ZNF114: variants seen among roughly 807,000 people sequenced by gnomAD.
ZNF114 encodes zinc finger protein 114 (Y18).
Under a neutral mutation model 6.8 loss-of-function variants are expected in ZNF114, and 8 were observed. The observed-to-expected ratio is 1.18, with a 90% CI of 0.69 to 2.13. The LOEUF (loss-of-function observed/expected upper bound fraction) is 2.13. ZNF114 is among the 30% of genes most tolerant of loss of function. The probability of loss-of-function intolerance (pLI) is 0.00; values close to 1 mark genes in which losing one functional copy is unlikely to be tolerated. For synonymous variants in ZNF114, 169 were observed against 185.5 expected (o/e 0.91, Z 0.72); for missense variants, 472 against 519.5 (o/e 0.91, Z 0.89).
chr19:48,283,235 T>G (rs1342723720), intron 5 of ZNF114, among the ~76,000 whole-genome samples: 4 of 152,204 alleles, frequency 2.6e-5, no homozygotes, highest in Non-Finnish European at 4.4e-5. Flanking sequence ...GGGATCCTTA[T>G]GTAGGTGAAC....
chr19:48,277,662 A>G (rs1967870967), intron 3 of ZNF114, among the ~76,000 whole-genome samples: 1 of 152,204 alleles, frequency 6.6e-6, no homozygotes, highest in African/African-American at 2.4e-5. Flanking sequence ...CTCCCCTGCC[A>G]TCTGGCACCG....
rs943906475 is a variant in ZNF114, at chr19:48,273,882, C to T, written c.-70+2054C>T. Among the ~76,000 whole-genome samples, 7 of 151,570 alleles carry T rather than the reference C, an allele frequency of 4.6e-5. No individual in the cohort carries two copies. The South Asian group carries it at 1.5e-3, about 32-fold the overall frequency. ...TCGCCATTCTCCTGCCTCAGGCTCC[C>T]GAGTAGCTGGGACTACAGGCGCCCG... On this transcript the variant is annotated intron_variant, in intron 3 of 5. Coordinates refer to ENST00000595607, the MANE Select transcript of ZNF114 (RefSeq NM_153608.4).
At chr19:48,285,695 T>G in intron 5 of ZNF114, 66 bp from the exon 6 acceptor site, 1 of 1,509,522 alleles carries the variant, frequency 6.6e-7, no homozygotes, top group South Asian at 1.4e-5. Flanking sequence ...AGATTGCCTA[T>G]GTCATCATCT....
At chr19:48,277,794 G>GGGGTGTGTGTGTGTGTGT (rs1330052475) in intron 3 of ZNF114, among the ~76,000 whole-genome samples, 2,960 of 119,380 alleles carry the variant, frequency 0.025, 93 homozygotes, top group Middle Eastern at 0.032. Flanking sequence ...GGAGGCATTG[G>GGGGTGTGTGTGTGTGTGT]GTGTGTGTGT....
At chr19:48,274,908 G>C (rs564172133) in intron 3 of ZNF114, among the ~76,000 whole-genome samples, 1 of 152,056 alleles carries the variant, frequency 6.6e-6, no homozygotes, top group African/African-American at 2.4e-5. Flanking sequence ...ACATTTACTA[G>C]TTGGAGTCCC....
intron 3 of ZNF114, among the ~76,000 whole-genome samples, chr19:48,277,115 C>T (rs1303970150): frequency 1.3e-5 from 2 of 152,010 alleles, no homozygotes; most frequent in Middle Eastern, 3.2e-3. Flanking sequence ...GAGCTGAGAT[C>T]GTGCCACTGC....
At chr19:48,272,700 T>TAAAAAAAAAAAAAAA (rs1555875993) in intron 3 of ZNF114, among the ~76,000 whole-genome samples, 5 of 79,370 alleles carry the variant, frequency 6.3e-5, no homozygotes, top group African/African-American at 2.9e-4. Flanking sequence ...AAAAAAAAAG[T>TAAAAAAAAAAAAAAA]ATTGGATTGG....
rs1017549783 is a variant in ZNF114 at position 48,275,596 on chromosome 19, C to T, written c.-70+3768C>T. 8.6e-5 allele frequency among the ~76,000 whole-genome samples: 13 copies of T among 151,212 alleles called. No individual in the cohort carries two copies. The East Asian group carries it at 1.2e-3, about 14-fold the overall frequency. ...CTGCACTCCAGCCTGGGTGATAGAG[C>T]GAGACCTTGTCTTGAAACATATATA... is the stretch of plus-strand genomic sequence containing the variant. On this transcript the variant is annotated intron_variant, in intron 3 of 5. Transcript: ENST00000595607.
Position 48,286,073 on chromosome 19 carries a change from T to G in ZNF114, c.449T>G (p.Ile150Ser), listed in dbSNP as rs779109127. ...PSQGDSIRQC[I>S]LTRDSSIFKY... The stretch of plus-strand genomic sequence containing the variant: ...CAGGGAGATTCCATAAGACAATGTA[T>G]CCTAACACGTGACTCAAGTATTTTC... Residue 150 changes from isoleucine to serine, a missense_variant, in exon 6 of 6, where the codon ATC becomes AGC. By Grantham distance (142) the Ile-to-Ser change is moderately radical (BLOSUM62 -2). Coordinates refer to ENST00000595607, the MANE Select transcript of ZNF114 (RefSeq NM_153608.4). 20 of 1,613,912 alleles carry G rather than the reference T, an allele frequency of 1.2e-5. No homozygotes were observed. The Admixed American group carries it at 1.8e-4, about 15-fold the overall frequency.
chr19:48,282,194 G>A (rs921875807), intron 4 of ZNF114, 177 bp from the exon 5 acceptor site: 50 of 808,864 alleles, frequency 6.2e-5, no homozygotes, highest in African/African-American at 1.3e-4. Flanking sequence ...CACCGCGCCC[G>A]GCCACAACCT....
intron 3 of ZNF114, among the ~76,000 whole-genome samples, chr19:48,273,353 G>A (rs1482219685): frequency 6.6e-6 from 1 of 151,954 alleles, no homozygotes; most frequent in African/African-American, 2.4e-5. Flanking sequence ...GGACAATCAG[G>A]CAAAAGCCAA....
chr19:48,286,624 T>A lies in ZNF114; in HGVS notation c.1000T>A (p.Cys334Ser). Residue 334 changes from cysteine (C) to serine (S), a missense_variant, in exon 6 of 6, where the codon TGT (cysteine) becomes AGT (serine). Cys to Ser is a moderately radical substitution (Grantham distance 112). Transcript: ENST00000595607. ...KIHTGEKPYE[C>S]GKCGKAFRYS... ...TCACACTGGAGAGAAACCGTATGAA[T>A]GTGGGAAATGTGGGAAAGCCTTTAG... 6.2e-7 allele frequency: 1 copy of A among 1,613,892 alleles called. No individual in the cohort carries two copies. The highest frequency in any genetic ancestry group is 8.5e-7 in the Non-Finnish European group (1 of 1,179,994).
chr19:48,285,560 G>GAAGGAGGAAGGAAGGAAGA, intron 5 of ZNF114, among the ~76,000 whole-genome samples: 1 of 148,438 alleles, frequency 6.7e-6, no homozygotes, highest in South Asian at 2.2e-4. Flanking sequence ...AGGAAGGAAG[G>GAAGGAGGAAGGAAGGAAGA]AGGAAGGAAG....
rs552750329 is a variant in ZNF114 at position 48,272,423 on chromosome 19, T to A, written c.-70+595T>A. 5.1e-3 allele frequency among the ~76,000 whole-genome samples: 420 copies of A among 82,768 alleles called. 2 individuals carry two copies. The highest frequency in any genetic ancestry group is 0.012 in the African/African-American group (253 of 21,820). The allele number at this position is 82,768 out of a possible 152,430, so 54.3% of individuals were successfully genotyped here. A position where few individuals can be genotyped will look rare whatever the true frequency, so the allele number is the denominator to read the frequency against. On this transcript the variant is annotated intron_variant, in intron 3 of 5. Coordinates refer to ENST00000595607, the MANE Select transcript of ZNF114 (RefSeq NM_153608.4). ...GGAGACTCTGTCTCAAAAAAAAAAA[T>A]AAATAATAATAATAATAATAATTAG...
chr19:48,272,673 C>CAAAAAAAA (rs57823987), intron 3 of ZNF114, among the ~76,000 whole-genome samples: 1,736 of 39,260 alleles, frequency 0.044, 217 homozygotes, highest in Non-Finnish European at 0.058. Flanking sequence ...GACTCTCTCT[C>CAAAAAAAA]AAAAAAAAAA....
In ZNF114 at chr19:48,270,180, G is replaced by C. The variant is rs1001562229; in HGVS notation, c.-416G>C. ...TTTAGGTGGTCTTCTATACGGACAC[G>C]CGTGACACCCAGGAGTTCGAGACGA... On this transcript the variant is annotated 5_prime_UTR_variant, in exon 1 of 6. Transcript: ENST00000595607. 1 of 151,814 alleles carries C rather than the reference G, an allele frequency of 6.6e-6. No individual in the cohort carries two copies. The highest frequency in any genetic ancestry group is 2.4e-5 in the African/African-American group (1 of 41,232). The allele number at this position is 151,814 out of a possible 1,614,324, so 9.4% of individuals were successfully genotyped here.
chr19:48,281,498 CTTCT>C (rs1967989054), intron 4 of ZNF114: 2 of 122,880 alleles, frequency 1.6e-5, no homozygotes, highest in South Asian at 2.6e-4. Flanking sequence ...CACATTTCCC[CTTCT>C]TTTTTTTTTT....
chr19:48,279,612 G>A, intron 3 of ZNF114, 119 bp from the exon 4 acceptor site: 1 of 657,598 alleles, frequency 1.5e-6, no homozygotes, highest in East Asian at 3.0e-5. Flanking sequence ...TGTGGGCTGT[G>A]GTGGGGAAGT....
At position 48,286,345 on chromosome 19, in the gene ZNF114, A is replaced by G. The variant is rs766871343; in HGVS notation, c.721A>G (p.Thr241Ala). Residue 241 changes from threonine (T) to alanine (A), a missense_variant, in exon 6 of 6, where the codon ACT becomes GCT. Coordinates refer to ENST00000595607, the MANE Select transcript of ZNF114 (RefSeq NM_153608.4). ...AGACGGATCCCTTAGGGCACACAAC[A>G]CTCATGGTCGAGAGAAAATGTATGA... ...REDGSLRAHNTHGREKMYDFT... is the reference protein window; with the variant it reads ...REDGSLRAHNAHGREKMYDFT... The G allele has an allele frequency of 1.2e-6, 2 of 1,614,120 alleles. No homozygotes were observed. Among genetic ancestry groups the G allele is most frequent in the South Asian group, 1.1e-5 (1 of 91,080 alleles).
Sources: gnomAD v4.1 joint callset for allele counts (sites outside exome capture counted in the v4.1 genomes callset) on GRCh38, gnomAD v4.1.1 for gene constraint, MANE v1.5 for transcripts, NCBI Gene and HGNC (gene_info 2026-07-23, HGNC 2026-07-21) for gene names.